Variants in SFMBT1 observed in about 807,000 individuals in gnomAD.
The protein encoded by SFMBT1 is scm-like with four MBT domains protein 1.
In SFMBT1, 32 loss-of-function variants were observed where a neutral mutation model predicts 108.7. The ratio of observed to expected loss-of-function variants is 0.29; its 90% CI spans 0.22 to 0.40. SFMBT1 has a LOEUF of 0.40. Among genes scored for constraint, SFMBT1 ranks in the 10% least tolerant of loss-of-function variants. The pLI is 1.00. For synonymous variants in SFMBT1, 348 were observed against 369.5 expected (o/e 0.94, Z 0.67); for missense variants, 816 against 1,059.6 (o/e 0.77, Z 3.19).
intron 1 of SFMBT1, among the ~76,000 whole-genome samples, chr3:52,969,955 T>C (rs1704280032): frequency 6.6e-6 from 1 of 152,010 alleles, no homozygotes; most frequent in Non-Finnish European, 1.5e-5. Context: ...ATACAAAAAC[T>C]AGCTGGGTAT....
chr3:53,021,235 G>A (rs1223390092), intron 1 of SFMBT1, among the ~76,000 whole-genome samples: 3 of 152,214 alleles, frequency 2.0e-5, no homozygotes, highest in African/African-American at 7.2e-5. Context: ...AGTCTTGGGA[G>A]TAACTAGTAT....
intron 1 of SFMBT1, among the ~76,000 whole-genome samples, chr3:53,038,725 C>T (rs1699942238): frequency 6.6e-6 from 1 of 152,134 alleles, no homozygotes; most frequent in Non-Finnish European, 1.5e-5. Flanking sequence ...AAATACAAAG[C>T]ATTAATTAGG....
chr3:53,045,248 G>T (rs1192266313), intron 1 of SFMBT1: 1 of 148,848 alleles, frequency 6.7e-6, no homozygotes, highest in African/African-American at 2.4e-5. Flanking sequence ...CCGCCACCGC[G>T]CAGCGACCGC....
intron 12 of SFMBT1, 46 bp downstream of exon 12, chr3:52,920,491 A>C (rs1360216455): frequency 1.4e-6 from 2 of 1,393,992 alleles, no homozygotes; most frequent in East Asian, 4.6e-5. Context: ...AGCCACACAG[A>C]AGATTATTTA....
chr3:52,953,410 C>T (rs1417592356), intron 3 of SFMBT1, among the ~76,000 whole-genome samples: 2 of 150,480 alleles, frequency 1.3e-5, no homozygotes, highest in African/African-American at 2.4e-5. Flanking sequence ...CTATGATGGG[C>T]GATGGAGTGA....
intron 1 of SFMBT1, among the ~76,000 whole-genome samples, chr3:53,037,612 AC>A (rs1372113076): frequency 6.6e-6 from 1 of 152,120 alleles, no homozygotes; most frequent in Non-Finnish European, 1.5e-5. Flanking sequence ...ACAATAATAC[AC>A]CCGAAGTTTC....
chr3:52,970,969 A>G (rs1704321794), intron 1 of SFMBT1, among the ~76,000 whole-genome samples: 1 of 152,092 alleles, frequency 6.6e-6, no homozygotes, highest in South Asian at 2.1e-4. Flanking sequence ...CCCTGTCTCA[A>G]AAAATATATA....
chr3:52,965,194 T>A (rs1704091037), intron 2 of SFMBT1, among the ~76,000 whole-genome samples: 1 of 148,924 alleles, frequency 6.7e-6, no homozygotes, highest in Admixed American at 6.7e-5. Context: ...GAGCTGAAAA[T>A]AACCCAATTA....
chr3:52,911,257 T>TA (rs1398628460), intron 16 of SFMBT1, 79 bp from the exon 17 acceptor site: 11 of 1,404,630 alleles, frequency 7.8e-6, no homozygotes, highest in South Asian at 5.7e-5. Flanking sequence ...TTAATACACC[T>TA]AAAAAATATT....
intron 1 of SFMBT1, among the ~76,000 whole-genome samples, chr3:53,003,980 C>T (rs1461575191): frequency 6.7e-6 from 1 of 149,802 alleles, no homozygotes. Context: ...TCCTCAACAA[C>T]CTACTCCTTC....
At chr3:52,938,500 T>TTTG (rs1703090787) in intron 4 of SFMBT1, among the ~76,000 whole-genome samples, 1 of 152,138 alleles carries the variant, frequency 6.6e-6, no homozygotes, top group Non-Finnish European at 1.5e-5. Context: ...TACTTTCTAT[T>TTTG]TTGTTGTTGT....
In SFMBT1 at chr3:52,918,471, T is replaced by G; in HGVS notation, c.1415+13A>C. On this transcript the variant is annotated intron_variant, in intron 13 of 20. Transcript: ENST00000394752. ...TCTAACTTGTAAACTGTTCATATTA[T>G]TACGTTACTTACTGTTTTTCTGGCT... 6.4e-7 allele frequency: 1 copy of G among 1,561,602 alleles called. No homozygotes were observed. Among genetic ancestry groups the G allele is most frequent in the Non-Finnish European group, 8.6e-7 (1 of 1,158,820 alleles).
At chr3:52,999,945 G>A (rs1246396193) in intron 1 of SFMBT1, among the ~76,000 whole-genome samples, 5 of 150,100 alleles carry the variant, frequency 3.3e-5, no homozygotes, top group Non-Finnish European at 7.5e-5. Context: ...TGCAACCTCT[G>A]CCTCCCGGGT....
At chr3:52,928,714 G>C (rs1702765417) in intron 8 of SFMBT1, among the ~76,000 whole-genome samples, 1 of 144,896 alleles carries the variant, frequency 6.9e-6, no homozygotes, top group Admixed American at 6.9e-5. Context: ...TTTTTTTTTG[G>C]AGACAGGGTC....
intron 1 of SFMBT1, among the ~76,000 whole-genome samples, chr3:53,019,908 C>T (rs35507120): frequency 0.07 from 10,670 of 152,204 alleles, 445 homozygotes; most frequent in Non-Finnish European, 0.095. Context: ...TCCCCACTTA[C>T]CACTTCGGCT....
rs1553636661 is a variant in SFMBT1 at position 52,945,136 on chromosome 3, T to TAAAAAAAAAACAAAAAACAAAC, written c.124-1544_124-1543insGTTTGTTTTTTGTTTTTTTTTT. Among the ~76,000 whole-genome samples the TAAAAAAAAAACAAAAAACAAAC allele has an allele frequency of 4.6e-3, 223 of 48,530 alleles. 22 individuals carry two copies. Among genetic ancestry groups the TAAAAAAAAAACAAAAAACAAAC allele is most frequent in the African/African-American group, 0.013 (202 of 15,256 alleles). 31.8% of individuals were successfully genotyped at this position (48,530 alleles called of 152,430 possible). A position where few individuals can be genotyped will look rare whatever the true frequency, so the allele number is the denominator to read the frequency against. ...TGATTTCCAAATACCACCTTCCAAT[T>TAAAAAAAAAACAAAAAACAAAC]AAAAAAAAAAAAAAACAAGGACTTC... On this transcript the variant is annotated intron_variant, in intron 3 of 20. Transcript: ENST00000394752.
intron 2 of SFMBT1, among the ~76,000 whole-genome samples, chr3:52,966,665 T>G (rs924805116): frequency 1.4e-5 from 2 of 146,480 alleles, no homozygotes; most frequent in Non-Finnish European, 3.0e-5. Context: ...GAAAATTCTC[T>G]AAATAGAAAT....
intron 3 of SFMBT1, among the ~76,000 whole-genome samples, chr3:52,945,863 T>C (rs1346278300): frequency 6.6e-6 from 1 of 150,924 alleles, no homozygotes; most frequent in Non-Finnish European, 1.5e-5. Flanking sequence ...GAATTATTGA[T>C]GGACTCTAAA....
chr3:52,944,884 C>T, intron 3 of SFMBT1, among the ~76,000 whole-genome samples: 1 of 151,866 alleles, frequency 6.6e-6, no homozygotes, highest in East Asian at 1.9e-4. Flanking sequence ...GTGGTGCAAT[C>T]TCGGCTCACT....
Sources: gnomAD v4.1 joint callset for allele counts (sites outside exome capture counted in the v4.1 genomes callset) on GRCh38, gnomAD v4.1.1 for gene constraint, MANE v1.5 for transcripts, NCBI Gene and HGNC (gene_info 2026-07-23, HGNC 2026-07-21) for gene names.